BCAS1: variants seen among roughly 807,000 people sequenced by gnomAD.
The protein encoded by BCAS1 is breast carcinoma-amplified sequence 1.
A neutral mutation model predicts 65.4 loss-of-function variants in BCAS1; 46 were observed. The ratio of observed to expected loss-of-function variants is 0.70; its 90% CI spans 0.55 to 0.90. The LOEUF is 0.90. Ranked by LOEUF, BCAS1 falls within the 40% of genes least tolerant of loss-of-function variation. BCAS1 has a pLI of 0.00. For missense variants in BCAS1, 793 were observed against 771.2 expected (o/e 1.03, Z -0.33); for synonymous variants, 298 against 293.5 (o/e 1.02, Z -0.16).
intron 4 of BCAS1, among the ~76,000 whole-genome samples, chr20:54,017,400 T>TTTTC (rs143589390): frequency 0.26 from 31,651 of 120,932 alleles, 3,410 homozygotes; most frequent in East Asian, 0.51. Context: ...TTTTCTTTTC[T>TTTTC]TTTTTTTTTT....
At position 54,003,225 on chromosome 20, in the gene BCAS1, A is replaced by T. The variant is rs982278737; in HGVS notation, c.724-7175T>A. Among the ~76,000 whole-genome samples, 62 of 77,338 alleles carry T rather than the reference A, an allele frequency of 8.0e-4. 1 individual carries two copies. The highest frequency in any genetic ancestry group is 3.8e-3 in the Admixed American group (31 of 8,248). The allele number at this position is 77,338 out of a possible 152,430, so 50.7% of individuals were successfully genotyped here. Reference sequence around the variant, plus strand: ...TGTCCAATAAATGTTAGCCAAACAGACAAAAAAAAAAAAAAAAAAAAGCAA... The same window carrying T: ...TGTCCAATAAATGTTAGCCAAACAGTCAAAAAAAAAAAAAAAAAAAAGCAA... On this transcript the variant is annotated intron_variant, in intron 4 of 12. Coordinates refer to ENST00000688948, the MANE Select transcript of BCAS1 (RefSeq NM_001366298.2).
intron 3 of BCAS1, among the ~76,000 whole-genome samples, chr20:54,043,598 C>G (rs1052331266): frequency 6.6e-6 from 1 of 152,144 alleles, no homozygotes; most frequent in East Asian, 1.9e-4. Flanking sequence ...CAGTTCCCTG[C>G]AAACTCCATT....
chr20:54,049,435 GC>G (rs1318371253), intron 3 of BCAS1, among the ~76,000 whole-genome samples: 15 of 152,082 alleles, frequency 9.9e-5, no homozygotes, highest in African/African-American at 3.4e-4. Flanking sequence ...ATCAAAGAAG[GC>G]CAAAAATCAG....
At chr20:54,032,895 G>T (rs539911573) in intron 3 of BCAS1, among the ~76,000 whole-genome samples, 5 of 150,904 alleles carry the variant, frequency 3.3e-5, no homozygotes, top group African/African-American at 1.2e-4. Flanking sequence ...AATACCCCAT[G>T]ACAATATTAG....
intron 9 of BCAS1, among the ~76,000 whole-genome samples, chr20:53,968,207 G>A (rs879650270): frequency 6.6e-6 from 1 of 152,178 alleles, no homozygotes; most frequent in Non-Finnish European, 1.5e-5. Context: ...AAGATAAAAT[G>A]TATGGGATGG....
chr20:54,067,148 G>C (rs532707483), intron 1 of BCAS1, among the ~76,000 whole-genome samples: 4 of 152,332 alleles, frequency 2.6e-5, no homozygotes, highest in Admixed American at 1.3e-4. Context: ...GCTGAGGTGG[G>C]TGGATCACTT....
chr20:53,976,787 A>G (rs186883390), intron 8 of BCAS1, among the ~76,000 whole-genome samples: 1 of 152,334 alleles, frequency 6.6e-6, no homozygotes, highest in African/African-American at 2.4e-5. Flanking sequence ...TTCAGATTGC[A>G]TAATTTATTT....
intron 1 of BCAS1, among the ~76,000 whole-genome samples, chr20:54,064,411 CCA>C (rs1466024872): frequency 2.0e-5 from 3 of 152,224 alleles, no homozygotes; most frequent in African/African-American, 7.2e-5. Flanking sequence ...GCTTCGGAGT[CCA>C]CAGACCACCA....
At chr20:54,045,676 TTA>T (rs2092090876) in intron 3 of BCAS1, among the ~76,000 whole-genome samples, 1 of 152,214 alleles carries the variant, frequency 6.6e-6, no homozygotes, top group South Asian at 2.1e-4. Flanking sequence ...AAACTTAAAA[TTA>T]TATAACTGGG....
At chr20:53,990,207 A>C (rs998257892) in intron 7 of BCAS1, among the ~76,000 whole-genome samples, 3 of 152,174 alleles carry the variant, frequency 2.0e-5, no homozygotes, top group Non-Finnish European at 4.4e-5. Flanking sequence ...AAGGGTGGGC[A>C]CTGGGGAAAC....
chr20:53,994,038 C>T (rs1369297176), intron 6 of BCAS1, among the ~76,000 whole-genome samples: 1 of 152,172 alleles, frequency 6.6e-6, no homozygotes, highest in Non-Finnish European at 1.5e-5. Context: ...TGGGTTCAGA[C>T]AGATTAAGAT....
chr20:54,020,692 A>T (rs1476833348), intron 4 of BCAS1, among the ~76,000 whole-genome samples: 1 of 152,226 alleles, frequency 6.6e-6, no homozygotes, highest in African/African-American at 2.4e-5. Context: ...TCTTAAGATA[A>T]CTGTCTCAAT....
intron 9 of BCAS1, among the ~76,000 whole-genome samples, chr20:53,968,727 T>C (rs761659052): frequency 6.6e-6 from 1 of 152,186 alleles, no homozygotes; most frequent in Non-Finnish European, 1.5e-5. Context: ...GCAGAGAATA[T>C]CAGCATGGAT....
At chr20:54,027,152 G>A (rs758890855) in intron 4 of BCAS1, among the ~76,000 whole-genome samples, 5 of 152,222 alleles carry the variant, frequency 3.3e-5, no homozygotes, top group Admixed American at 6.5e-5. Context: ...TGAAAGAAAT[G>A]TTGGAAATAA....
intron 4 of BCAS1, among the ~76,000 whole-genome samples, chr20:54,008,610 G>C (rs1568871304): frequency 1.3e-5 from 2 of 152,204 alleles, no homozygotes; most frequent in Non-Finnish European, 2.9e-5. Context: ...TGCTGGAATG[G>C]TGTCCGGGAC....
intron 10 of BCAS1, among the ~76,000 whole-genome samples, chr20:53,966,141 GA>G (rs1181077967): frequency 6.6e-6 from 1 of 152,116 alleles, no homozygotes; most frequent in Admixed American, 6.6e-5. Flanking sequence ...CTACCCAAAG[GA>G]AAATAAGTCA....
Position 53,967,001 on chromosome 20 carries a change from T to C in BCAS1, c.1390A>G (p.Asn464Asp), listed in dbSNP as rs1292558360. 1 of 1,613,352 alleles carries C rather than the reference T, an allele frequency of 6.2e-7. No homozygotes were observed. The highest frequency in any genetic ancestry group is 1.7e-5 in the Admixed American group (1 of 59,900). The change falls in exon 10 of 13, where the codon AAC (asparagine) becomes GAC (aspartate). Residue 464 changes from asparagine (N) to aspartate (D), a missense_variant. Coordinates refer to ENST00000688948, the MANE Select transcript of BCAS1 (RefSeq NM_001366298.2). ...GGTTCAGGTGCAGCATCTCCTTCGT[T>C]GAGGTCCACTGTTTGTAAGGCTGAT... ...VESALQTVDL[N>D]EGDAAPEPTE...
chr20:53,964,885 A>G (rs1182156887), intron 10 of BCAS1, among the ~76,000 whole-genome samples: 1 of 150,688 alleles, frequency 6.6e-6, no homozygotes, highest in African/African-American at 2.4e-5. Flanking sequence ...TATTTGGAAG[A>G]GACCATCATT....
rs762997680 is a variant in BCAS1, at chr20:53,995,904, GA to G, written c.869del (p.Phe290SerfsTer54). ...IAENNNSIMSFFKTLVSPNKA... is the reference protein window; with the variant it reads ...IAENNNSIMSXFKTLVSPNKA... ...GAAAACTGCTTACCAGAGTTTTAAA[GA>G]AACTCATGATGGAATTATTATTCTC... On this transcript the variant is annotated frameshift_variant, in exon 5 of 13. Transcript: ENST00000688948. LOFTEE classifies it high-confidence loss of function. 2.5e-6 allele frequency: 4 copies of G among 1,603,704 alleles called. No individual in the cohort carries two copies. In the South Asian group the frequency reaches 4.5e-5, roughly 18 times the overall value.
Sources: allele counts gnomAD v4.1 joint callset (sites outside exome capture counted in the v4.1 genomes callset), GRCh38; gene constraint gnomAD v4.1.1; transcripts MANE v1.5; gene names NCBI Gene and HGNC (gene_info 2026-07-23, HGNC 2026-07-21).